The following SNX9 variants were observed in gnomAD, a reference collection of about 807,000 sequenced individuals.
The protein encoded by SNX9 is sorting nexin-9.
Under a neutral mutation model 89.4 loss-of-function variants are expected in SNX9, and 44 were observed. The ratio of observed to expected loss-of-function variants is 0.49; its 90% CI spans 0.39 to 0.63. The LOEUF (loss-of-function observed/expected upper bound fraction) is 0.63. Ranked by LOEUF, SNX9 falls within the 30% of genes least tolerant of loss-of-function variation. The pLI is 0.00. For missense variants in SNX9, 578 were observed against 736.1 expected (o/e 0.79, Z 2.49); for synonymous variants, 236 against 247.8 (o/e 0.95, Z 0.45).
intron 4 of SNX9, among the ~76,000 whole-genome samples, chr6:157,893,057 T>A (rs1782897150): frequency 6.6e-6 from 1 of 152,198 alleles, no homozygotes; most frequent in African/African-American, 2.4e-5. Flanking sequence ...TGGTACTTTT[T>A]CAAGTTCTTA....
chr6:157,846,462 G>T (rs1488882315), intron 1 of SNX9, among the ~76,000 whole-genome samples: 1 of 152,234 alleles, frequency 6.6e-6, no homozygotes, highest in Non-Finnish European at 1.5e-5. Context: ...TTAAAGCAGA[G>T]ACCCATATTC....
Position 157,905,773 on chromosome 6 carries a change from A to G in SNX9, c.621-355A>G, listed in dbSNP as rs529057980. Among the ~76,000 whole-genome samples the G allele has an allele frequency of 3.9e-5, 6 of 152,314 alleles. No homozygotes were observed. The South Asian group carries it at 1.2e-3, about 32-fold the overall frequency. On this transcript the variant is annotated intron_variant, in intron 6 of 17. Coordinates refer to ENST00000392185, the MANE Select transcript of SNX9 (RefSeq NM_016224.5). Reference sequence around the variant, plus strand: ...ATGTGGCTATTGCCCCCTGTGGCCAACTCAGATTGGCGTGCTCACTACTCA... The same window carrying G: ...ATGTGGCTATTGCCCCCTGTGGCCAGCTCAGATTGGCGTGCTCACTACTCA...
chr6:157,902,555 A>G (rs1403177018), intron 6 of SNX9, among the ~76,000 whole-genome samples: 1 of 152,200 alleles, frequency 6.6e-6, no homozygotes, highest in African/African-American at 2.4e-5. Flanking sequence ...TCAGGAAGCC[A>G]GGCCCTCAGG....
chr6:157,848,333 T>C (rs549558590), intron 1 of SNX9, among the ~76,000 whole-genome samples: 9 of 152,312 alleles, frequency 5.9e-5, no homozygotes, highest in Admixed American at 1.3e-4. Context: ...CTGATGGCTT[T>C]AAGCAGAAAA....
At chr6:157,884,108 C>T (rs1020464487) in intron 4 of SNX9, among the ~76,000 whole-genome samples, 4 of 152,202 alleles carry the variant, frequency 2.6e-5, no homozygotes, top group African/African-American at 7.2e-5. Context: ...CTGTCCATCA[C>T]TGGCCTGTTA....
chr6:157,923,017 G>A lies in SNX9; in HGVS notation c.1080+1356G>A, dbSNP rs557410934. Among the ~76,000 whole-genome samples the A allele has an allele frequency of 5.3e-5, 8 of 152,298 alleles. No homozygotes were observed. The South Asian group carries it at 1.7e-3, about 32-fold the overall frequency. On this transcript the variant is annotated intron_variant, in intron 10 of 17. Transcript: ENST00000392185. ...TTTGATTTAGAAAGCATTTCTGAAG[G>A]TCATGTTTTCTGCATGGTGGAGTTA...
At chr6:157,901,792 A>G in intron 5 of SNX9, 106 bp from the exon 6 acceptor site, 1 of 1,367,904 alleles carries the variant, frequency 7.3e-7, no homozygotes, top group South Asian at 1.5e-5. Flanking sequence ...ATCAAAAAAA[A>G]ATTGATTTGC....
intron 4 of SNX9, among the ~76,000 whole-genome samples, chr6:157,884,281 AATTAT>A (rs71795443): frequency 0.046 from 7,013 of 152,296 alleles, 197 homozygotes; most frequent in East Asian, 0.11. Context: ...TTTTCCATGT[AATTAT>A]ATTTGTTGCA....
chr6:157,825,653 T>C (rs1781329345), intron 1 of SNX9, among the ~76,000 whole-genome samples: 1 of 152,206 alleles, frequency 6.6e-6, no homozygotes, highest in South Asian at 2.1e-4. Flanking sequence ...CATGTTTACA[T>C]TGTGACAAAC....
rs1020462657 is a variant in SNX9, at chr6:157,823,890, C to T, written c.12+444C>T. Reference sequence around the variant, plus strand: ...CTGGGGGACCCTCGCCCCCGCGGGGCGGGTGGGGGTCGAGACCTCGGCGGA... The same window carrying T: ...CTGGGGGACCCTCGCCCCCGCGGGGTGGGTGGGGGTCGAGACCTCGGCGGA... On this transcript the variant is annotated intron_variant, in intron 1 of 17. Coordinates refer to ENST00000392185, the MANE Select transcript of SNX9 (RefSeq NM_016224.5). The surrounding 1 kb of genome is among the most constrained non-coding windows in gnomAD (Gnocchi z 4.6). 2.0e-5 allele frequency among the ~76,000 whole-genome samples: 3 copies of T among 151,824 alleles called. No individual in the cohort carries two copies. Among genetic ancestry groups the T allele is most frequent in the African/African-American group, 7.2e-5 (3 of 41,410 alleles).
intron 1 of SNX9, among the ~76,000 whole-genome samples, chr6:157,836,589 TTTTC>T (rs1035745889): frequency 6.6e-6 from 1 of 151,546 alleles, no homozygotes; most frequent in African/African-American, 2.4e-5. Flanking sequence ...CACACATTTC[TTTTC>T]TTTCTTTTTT....
At chr6:157,847,918 T>G (rs765559137) in intron 1 of SNX9, among the ~76,000 whole-genome samples, 1 of 152,194 alleles carries the variant, frequency 6.6e-6, no homozygotes, top group Non-Finnish European at 1.5e-5. Context: ...TGGCATTGTT[T>G]TGACCTGGCT....
chr6:157,898,725 A>G (rs549696544), intron 5 of SNX9, among the ~76,000 whole-genome samples: 1 of 152,332 alleles, frequency 6.6e-6, no homozygotes, highest in African/African-American at 2.4e-5. Context: ...ATTTTTTAAC[A>G]ATTCCTGAAC....
At chr6:157,879,031 A>G (rs1457615217) in intron 4 of SNX9, among the ~76,000 whole-genome samples, 1 of 152,196 alleles carries the variant, frequency 6.6e-6, no homozygotes, top group African/African-American at 2.4e-5. Context: ...AGTGTCATAC[A>G]GGTGTGGTCA....
At chr6:157,914,469 C>CTTT (rs34419515) in intron 9 of SNX9, among the ~76,000 whole-genome samples, 1,444 of 75,042 alleles carry the variant, frequency 0.019, 138 homozygotes, top group African/African-American at 0.07. Context: ...TTTTCTTTTT[C>CTTT]TTTTTTTTTT....
intron 1 of SNX9, among the ~76,000 whole-genome samples, chr6:157,827,965 A>G: frequency 6.6e-6 from 1 of 152,006 alleles, no homozygotes; most frequent in South Asian, 2.1e-4. Context: ...GTTAAAAATA[A>G]TGGTAGGGAA....
rs992568943 is a variant in SNX9, at chr6:157,911,647, C to T, written c.949+1622C>T. On this transcript the variant is annotated intron_variant, in intron 9 of 17. Transcript: ENST00000392185. ...CCTCTCTATTGCTGAAAAAGGAATT[C>T]GAATCTGATCCCATAGCTTACTCTG... Among the ~76,000 whole-genome samples the T allele has an allele frequency of 4.6e-5, 7 of 152,130 alleles. No individual in the cohort carries two copies. In the East Asian group the frequency reaches 5.8e-4, roughly 13 times the overall value.
intron 13 of SNX9, among the ~76,000 whole-genome samples, chr6:157,935,220 A>G (rs1358306854): frequency 7.9e-5 from 12 of 152,218 alleles, no homozygotes; most frequent in African/African-American, 2.4e-4. Flanking sequence ...TCCTTATGGA[A>G]GTATTTCAGC....
intron 1 of SNX9, among the ~76,000 whole-genome samples, chr6:157,826,645 A>G (rs1239745727): frequency 6.9e-6 from 1 of 145,548 alleles, no homozygotes; most frequent in Non-Finnish European, 1.5e-5. Flanking sequence ...GTCTTGTTTT[A>G]CAAATATTAA....
Sources: allele counts gnomAD v4.1 joint callset (sites outside exome capture counted in the v4.1 genomes callset), GRCh38; gene constraint gnomAD v4.1.1; non-coding constraint Gnocchi (gnomAD v3.1); transcripts MANE v1.5; gene names NCBI Gene and HGNC (gene_info 2026-07-23, HGNC 2026-07-21).